NUMB: variants seen among roughly 807,000 people sequenced by gnomAD.
The protein encoded by NUMB is protein numb homolog.
In NUMB, 29 loss-of-function variants were observed where a neutral mutation model predicts 59.7. The observed-to-expected ratio is 0.49, with a 90% CI of 0.36 to 0.66. The LOEUF (loss-of-function observed/expected upper bound fraction) is 0.66, where lower values mean the gene tolerates loss of function less well. Among genes scored for constraint, NUMB ranks in the 30% least tolerant of loss-of-function variants. NUMB has a pLI of 0.00. For synonymous variants in NUMB, 288 were observed against 288.2 expected, an observed-to-expected ratio of 1.00 and a Z score of 0.01; for missense variants, 723 against 822.0, an observed-to-expected ratio of 0.88 and a Z score of 1.47.
intron 6 of NUMB, among the ~76,000 whole-genome samples, chr14:73,312,447 C>T (rs1890826382): frequency 6.6e-6 from 1 of 152,062 alleles, no homozygotes; most frequent in Non-Finnish European, 1.5e-5. Flanking sequence ...GGCACAGTTG[C>T]TCATGCTTGT....
At chr14:73,353,085 T>TG in intron 4 of NUMB, among the ~76,000 whole-genome samples, 1 of 108,864 alleles carries the variant, frequency 9.2e-6, no homozygotes, top group Non-Finnish European at 1.9e-5. Flanking sequence ...TTTTTTTTTT[T>TG]TTTTTTTTTT....
chr14:73,405,745 G>A (rs1233861707), intron 2 of NUMB, among the ~76,000 whole-genome samples: 1 of 151,962 alleles, frequency 6.6e-6, no homozygotes, highest in Non-Finnish European at 1.5e-5. Flanking sequence ...CCATCCTGTG[G>A]AGCCGTGCCT....
chr14:73,425,612 C>G (rs529011616), intron 1 of NUMB, among the ~76,000 whole-genome samples: 212 of 152,124 alleles, frequency 1.4e-3, no homozygotes, highest in African/African-American at 4.7e-3. Context: ...TTAGGGGTTA[C>G]TATATAACTG....
chr14:73,387,926 C>T (rs562115816), intron 2 of NUMB, among the ~76,000 whole-genome samples: 52 of 143,742 alleles, frequency 3.6e-4, no homozygotes, highest in Non-Finnish European at 6.0e-4. Context: ...TGAGATCAGC[C>T]TGGGCAACAA....
intron 4 of NUMB, among the ~76,000 whole-genome samples, chr14:73,346,358 TAATCCCAACTACTCGGGA>T (rs1233576392): frequency 1.3e-5 from 2 of 151,722 alleles, no homozygotes; most frequent in Non-Finnish European, 2.9e-5. Context: ...CACATGTCTG[TAATCCCAACTACTCGGGA>T]GGCTGAGGCA....
At position 73,276,967 on chromosome 14, in the gene NUMB, T is replaced by C; in HGVS notation, c.1567A>G (p.Asn523Asp). 1.9e-6 allele frequency: 3 copies of C among 1,614,110 alleles called. No individual in the cohort carries two copies. Among genetic ancestry groups the C allele is most frequent in the East Asian group, 2.2e-5 (1 of 44,882 alleles). ...GGAGTGATGCCCACCACAGGCACAT[T>C]AGGGGCTGGATAGGGCATTCCATTG... ...VANGMPYPAP[N>D]VPVVGITPSQ... is the part of the protein sequence containing the mutation. Residue 523 changes from asparagine to aspartate, a missense_variant, in exon 13 of 13, where the codon AAT (asparagine) becomes GAT (aspartate). Asn to Asp is a conservative substitution (Grantham distance 23). Transcript: ENST00000555238.
chr14:73,359,640 A>C (rs1894004597), intron 3 of NUMB, among the ~76,000 whole-genome samples: 1 of 152,202 alleles, frequency 6.6e-6, no homozygotes, highest in South Asian at 2.1e-4. Context: ...AAGGTGTTGG[A>C]ATCTGGAGAG....
intron 1 of NUMB, among the ~76,000 whole-genome samples, chr14:73,420,224 T>C (rs914683517): frequency 1.3e-5 from 2 of 152,218 alleles, no homozygotes; most frequent in African/African-American, 4.8e-5. Flanking sequence ...GTGTTCCTGC[T>C]TAGCCAGGCA....
intron 6 of NUMB, among the ~76,000 whole-genome samples, chr14:73,306,926 C>G (rs1387880159): frequency 6.6e-6 from 1 of 152,176 alleles, no homozygotes; most frequent in Non-Finnish European, 1.5e-5. Context: ...GTGGAGATCA[C>G]TGTCCTCACA....
At chr14:73,452,591 A>C (rs1196018913) in intron 1 of NUMB, among the ~76,000 whole-genome samples, 11 of 152,116 alleles carry the variant, frequency 7.2e-5, no homozygotes, top group African/African-American at 2.7e-4. Flanking sequence ...AGAGAGGGGG[A>C]AGTCACTGAA....
chr14:73,443,844 G>C (rs140009521), intron 1 of NUMB, among the ~76,000 whole-genome samples: 3,035 of 151,576 alleles, frequency 0.02, 100 homozygotes, highest in African/African-American at 0.069. Context: ...GTAGAGACAG[G>C]GTTTCACTGT....
rs1594849978 is a variant in NUMB at position 73,276,903 on chromosome 14, T to G, written c.1631A>C (p.His544Pro). The change falls in exon 13 of 13, where the codon CAC becomes CCC. Residue 544 changes from histidine (H) to proline (P), a missense_variant. Transcript: ENST00000555238. ...MVANVFGTAG[H>P]PQAAHPHQSP... The stretch of plus-strand genomic sequence containing the variant: ...CTGATGGGGATGGGCAGCCTGAGGG[T>G]GGCCTGCAGTGCCAAATACGTTGGC... 1 of 1,613,956 alleles carries G rather than the reference T, an allele frequency of 6.2e-7. No homozygotes were observed. The highest frequency in any genetic ancestry group is 1.1e-5 in the South Asian group (1 of 91,068).
chr14:73,317,860 A>T (rs1891171485), intron 5 of NUMB, among the ~76,000 whole-genome samples: 1 of 152,190 alleles, frequency 6.6e-6, no homozygotes, highest in African/African-American at 2.4e-5. Flanking sequence ...TTTTATAATC[A>T]TAGGTTTTTA....
chr14:73,417,517 A>G lies in NUMB; in HGVS notation c.-232-7449T>C, dbSNP rs117252075. 6.5e-3 allele frequency among the ~76,000 whole-genome samples: 980 copies of G among 151,046 alleles called. 5 individuals are homozygous for G. Among genetic ancestry groups the G allele is most frequent in the South Asian group, 0.03 (144 of 4,770 alleles). Reference sequence around the variant, plus strand: ...CTGTGAGCCAAGGTCGAGCCACTGCACTCCAGCCTGGGTGACAAAGTGAGA... The same window carrying G: ...CTGTGAGCCAAGGTCGAGCCACTGCGCTCCAGCCTGGGTGACAAAGTGAGA... On this transcript the variant is annotated intron_variant, in intron 1 of 12. Transcript: ENST00000555238.
At chr14:73,336,311 C>T (rs890114925) in intron 4 of NUMB, among the ~76,000 whole-genome samples, 2 of 152,158 alleles carry the variant, frequency 1.3e-5, no homozygotes, top group Non-Finnish European at 1.5e-5. Flanking sequence ...GAGAAGATGA[C>T]AGAATTGGAG....
intron 1 of NUMB, among the ~76,000 whole-genome samples, chr14:73,455,356 T>G (rs1884283185): frequency 6.6e-6 from 1 of 152,164 alleles, no homozygotes; most frequent in Non-Finnish European, 1.5e-5. Context: ...CTCCTAAATA[T>G]AAACCATCTA....
chr14:73,292,688 G>C, intron 8 of NUMB, 46 bp downstream of exon 8: 2 of 1,600,074 alleles, frequency 1.2e-6, no homozygotes, highest in South Asian at 1.1e-5. Context: ...AAAGAGCCCA[G>C]CTAACTGAGA....
At chr14:73,441,790 A>C (rs1483460791) in intron 1 of NUMB, among the ~76,000 whole-genome samples, 5 of 151,894 alleles carry the variant, frequency 3.3e-5, no homozygotes, top group African/African-American at 1.2e-4. Context: ...GTGGAAGGAT[A>C]GTTTGAGCCA....
intron 8 of NUMB, among the ~76,000 whole-genome samples, chr14:73,291,841 G>A (rs1889421836): frequency 6.6e-6 from 1 of 150,476 alleles, no homozygotes; most frequent in Non-Finnish European, 1.5e-5. Flanking sequence ...GCACCACCAC[G>A]CCCAGCTAAT....
Sources: gnomAD v4.1 joint callset for allele counts (sites outside exome capture counted in the v4.1 genomes callset) on GRCh38, gnomAD v4.1.1 for gene constraint, MANE v1.5 for transcripts, NCBI Gene and HGNC (gene_info 2026-07-23, HGNC 2026-07-21) for gene names.